The following TMEM255A variants were observed in gnomAD, a reference collection of about 807,000 sequenced individuals.
TMEM255A encodes the protein transmembrane protein 255A.
TMEM255A carries 14 observed loss-of-function variants against 23.5 expected under a neutral mutation model. That is an observed-to-expected ratio of 0.60 (90% CI 0.39 to 0.93). The LOEUF (loss-of-function observed/expected upper bound fraction) is 0.93. TMEM255A is among the 40% of genes least tolerant of loss of function. TMEM255A has a pLI of 0.00. For synonymous variants in TMEM255A, 104 were observed against 100.3 expected (o/e 1.04, Z -0.22); for missense variants, 233 against 261.7 (o/e 0.89, Z 0.76).
intron 5 of TMEM255A, chrX:120,285,695 A>C: frequency 8.3e-7 from 1 of 1,210,776 alleles, no homozygotes; most frequent in Non-Finnish European, 1.1e-6. Flanking sequence ...GGAACTTATG[A>C]CCTTATGTAG....
At chrX:120,256,538 A>G (rs1556015491), downstream of TMEM255A, 2 of 122,767 alleles carry the variant, frequency 1.6e-5, no homozygotes, top group Non-Finnish European at 1.9e-5. Flanking sequence ...GTTTTATTCC[A>G]TCTGCAAATT....
At chrX:120,271,585 G>C (rs1016338327) in intron 7 of TMEM255A, among the ~76,000 whole-genome samples, 1 of 111,183 alleles carries the variant, frequency 9.0e-6, no homozygotes, top group Non-Finnish European at 1.9e-5. Flanking sequence ...GCAGTTAATT[G>C]ATTTTTGACA....
Position 120,260,780 on chromosome X carries a change from G to A in TMEM255A, c.*90C>T, listed in dbSNP as rs2057673059. On this transcript the variant is annotated 3_prime_UTR_variant, in exon 9 of 9. Coordinates refer to ENST00000371369, the MANE Select transcript of TMEM255A (RefSeq NM_001104544.3). ...CCATTGTAAAACTTTATGCATAAGA[G>A]TCACACTTTAAATTTTGTACCCTAC... 6 of 1,116,407 alleles carry A rather than the reference G, an allele frequency of 5.4e-6. No homozygotes were observed. Among genetic ancestry groups the A allele is most frequent in the Non-Finnish European group, 6.0e-6 (5 of 836,812 alleles). 92.0% of individuals were successfully genotyped at this position (1,116,407 alleles called of 1,213,427 possible). A position where few individuals can be genotyped will look rare whatever the true frequency, so the allele number is the denominator to read the frequency against.
chrX:120,251,831 G>T, the TMEM255A span, among the ~76,000 whole-genome samples: 1 of 112,245 alleles, frequency 8.9e-6, no homozygotes, highest in Admixed American at 9.3e-5. Context: ...TAAACGAAAC[G>T]AAACCGAGTC....
chrX:120,275,784 A>ATTT (rs11342181), intron 7 of TMEM255A, among the ~76,000 whole-genome samples: 10,660 of 60,162 alleles, frequency 0.18, 1,405 homozygotes, highest in East Asian at 0.34. Flanking sequence ...GAGCCCAAGC[A>ATTT]TTTTTTTTTT....
intron 8 of TMEM255A, among the ~76,000 whole-genome samples, chrX:120,266,497 T>C (rs1370327884): frequency 8.9e-6 from 1 of 111,791 alleles, no homozygotes; most frequent in African/African-American, 3.3e-5. Flanking sequence ...CTTTCATTTC[T>C]GGGGTAGGAT....
chrX:120,263,360 C>A (rs1285199321), intron 8 of TMEM255A, among the ~76,000 whole-genome samples: 1 of 112,214 alleles, frequency 8.9e-6, no homozygotes, highest in Non-Finnish European at 1.9e-5. Context: ...TGGGCCTAGT[C>A]AGCTCCAGCT....
chrX:120,278,107 TC>T (rs2057812046), intron 6 of TMEM255A, among the ~76,000 whole-genome samples: 1 of 109,114 alleles, frequency 9.2e-6, no homozygotes, highest in Non-Finnish European at 1.9e-5. Flanking sequence ...TCCCCTGACT[TC>T]CCTACTCCAC....
intron 2 of TMEM255A, among the ~76,000 whole-genome samples, chrX:120,297,949 G>A (rs1260273557): frequency 1.8e-5 from 2 of 111,331 alleles, no homozygotes; most frequent in Admixed American, 1.9e-4. Context: ...ACAATTGCTT[G>A]CTCCCCTGAG....
chrX:120,311,423 T>C lies in TMEM255A; in HGVS notation c.-114A>G. The C allele has an allele frequency of 3.4e-6, 2 of 585,445 alleles. No individual in the cohort carries two copies. The highest frequency in any genetic ancestry group is 5.7e-6 in the Non-Finnish European group (2 of 348,709). The allele number at this position is 585,445 out of a possible 1,213,427, so 48.2% of individuals were successfully genotyped here. On this transcript the variant is annotated 5_prime_UTR_variant, in exon 1 of 9. Transcript: ENST00000371369. ...TGCCTCTCTCGGTCCTTCCGAGAGC[T>C]GAGAGACACTGCCTCTGGTTGCGAG...
At chrX:120,268,430 CT>C in intron 7 of TMEM255A, 43 bp from the exon 8 acceptor site, 1 of 1,062,850 alleles carries the variant, frequency 9.4e-7, no homozygotes, top group Non-Finnish European at 1.3e-6. Flanking sequence ...ACAGTCATCA[CT>C]AGGAGAATGG....
chrX:120,277,946 C>T (rs2057810586), intron 6 of TMEM255A, among the ~76,000 whole-genome samples: 1 of 111,917 alleles, frequency 8.9e-6, no homozygotes, highest in Non-Finnish European at 1.9e-5. Context: ...CCCTATCCCC[C>T]AATGTGACTG....
chrX:120,265,246 A>G (rs1016788850), intron 8 of TMEM255A, among the ~76,000 whole-genome samples: 2 of 112,405 alleles, frequency 1.8e-5, no homozygotes, highest in Admixed American at 1.9e-4. Flanking sequence ...TGAGCAAAAG[A>G]AAGCTAAACT....
rs368966488 is a variant in TMEM255A, at chrX:120,300,554, A to ATTTTTTTTT, written c.201+3786_201+3794dup. ...AGGCTCATGCCACAGGGCCAGGCTA[A>ATTTTTTTTT]TTTTTTTTTTTTTTTTTTTTTGTAG... is the stretch of plus-strand genomic sequence containing the variant. On this transcript the variant is annotated intron_variant, in intron 2 of 8. Transcript: ENST00000371369. Among the ~76,000 whole-genome samples, 22 of 74,197 alleles carry ATTTTTTTTT rather than the reference A, an allele frequency of 3.0e-4. 1 individual carries two copies. The highest frequency in any genetic ancestry group is 1.1e-3 in the African/African-American group (18 of 16,870). The allele number at this position is 74,197 out of a possible 115,157, so 64.4% of individuals were successfully genotyped here. A position where few individuals can be genotyped will look rare whatever the true frequency, so the allele number is the denominator to read the frequency against.
rs782737744 is a variant in TMEM255A at position 120,259,724 on chromosome X, G to T, written c.*1146C>A. ...GGTTTAAAGCTATGTGTAATTAAAA[G>T]AACTGTACAAATACCTACCACGGTG... On this transcript the variant is annotated 3_prime_UTR_variant, in exon 9 of 9. Transcript: ENST00000371369. 1.8e-5 allele frequency: 2 copies of T among 112,313 alleles called. No homozygotes were observed. The highest frequency in any genetic ancestry group is 5.6e-4 in the East Asian group (2 of 3,597). 9.3% of individuals were successfully genotyped at this position (112,313 alleles called of 1,213,427 possible).
chrX:120,306,884 G>C (rs978989554), intron 1 of TMEM255A, among the ~76,000 whole-genome samples: 1 of 111,891 alleles, frequency 8.9e-6, no homozygotes, highest in Non-Finnish European at 1.9e-5. Flanking sequence ...TCCTGCTTTA[G>C]AACCTGAATT....
chrX:120,283,268 C>CCT (rs782587599), intron 6 of TMEM255A, among the ~76,000 whole-genome samples: 80 of 110,895 alleles, frequency 7.2e-4, no homozygotes, highest in Non-Finnish European at 1.1e-3. Context: ...TAATTGAACT[C>CCT]CCCAGATAAT....
chrX:120,298,297 G>A (rs1247535542), intron 2 of TMEM255A, among the ~76,000 whole-genome samples: 1 of 111,467 alleles, frequency 9.0e-6, no homozygotes, highest in Admixed American at 9.5e-5. Context: ...GTAATTTGGA[G>A]GCCAGGAGGT....
In TMEM255A at chrX:120,258,911, TATTA is replaced by T. The variant is rs1556015989; in HGVS notation, c.*1955_*1958del. Reference sequence around the variant, plus strand: ...TTTTGCAAAAGAGTAAAGCAGCAAATATTAATTTTTCTAAGGTAACATGCACTTT... The same window carrying T: ...TTTTGCAAAAGAGTAAAGCAGCAAATATTTTTCTAAGGTAACATGCACTTT... On this transcript the variant is annotated 3_prime_UTR_variant, in exon 9 of 9. Transcript: ENST00000371369. The T allele has an allele frequency of 8.9e-6, 1 of 112,609 alleles. No homozygotes were observed. The highest frequency in any genetic ancestry group is 2.7e-4 in the East Asian group (1 of 3,638). 9.3% of individuals were successfully genotyped at this position (112,609 alleles called of 1,213,427 possible).
Sources: allele counts gnomAD v4.1 joint callset (sites outside exome capture counted in the v4.1 genomes callset), GRCh38; gene constraint gnomAD v4.1.1; transcripts MANE v1.5; gene names NCBI Gene and HGNC (gene_info 2026-07-23, HGNC 2026-07-21).